The following TANC2 variants were observed in gnomAD, a reference collection of about 807,000 sequenced individuals.
TANC2 encodes the protein tetratricopeptide repeat, ankyrin repeat and coiled-coil containing 2.
In TANC2, 26 loss-of-function variants were observed where a neutral mutation model predicts 210.5. That is an observed-to-expected ratio of 0.12 (90% CI 0.09 to 0.17). The LOEUF (loss-of-function observed/expected upper bound fraction) is 0.17, where lower values mean the gene tolerates loss of function less well. TANC2 is among the 10% of genes least tolerant of loss of function. The pLI, the probability that TANC2 is intolerant of heterozygous loss-of-function variation, is 1.00. For missense variants in TANC2, 2,129 were observed against 2,608.9 expected, an observed-to-expected ratio of 0.82 and a Z score of 4.01; for synonymous variants, 931 against 967.1, an observed-to-expected ratio of 0.96 and a Z score of 0.69.
chr17:63,391,642 A>G (rs116831496), intron 17 of TANC2: 2 of 152,244 alleles, frequency 1.3e-5, no homozygotes, highest in African/African-American at 4.8e-5. Context: ...AAAAGTCACT[A>G]ATGACTGCCA....
Position 63,169,142 on chromosome 17 carries a change from C to T in TANC2, c.433+17762C>T, listed in dbSNP as rs191455151. On this transcript the variant is annotated intron_variant, in intron 5 of 27. Coordinates refer to ENST00000689528, the Ensembl canonical transcript of TANC2. ...AACTTTCTCTTTCCTTCCTCCATCT[C>T]CACCACTCATCCTCCCAAAGACACT... is the stretch of plus-strand genomic sequence containing the variant. Among the ~76,000 whole-genome samples, 283 of 152,256 alleles carry T rather than the reference C, an allele frequency of 1.9e-3. 1 individual carries two copies. Among genetic ancestry groups the T allele is most frequent in the African/African-American group, 6.5e-3 (272 of 41,532 alleles).
chr17:63,125,888 G>A (rs1598436060), intron 4 of TANC2, among the ~76,000 whole-genome samples: 2 of 152,268 alleles, frequency 1.3e-5, no homozygotes, highest in South Asian at 4.1e-4. Context: ...ATATAATGTA[G>A]CGTAAGCTTA....
chr17:63,067,278 G>A (rs1234143370), intron 2 of TANC2, among the ~76,000 whole-genome samples: 2 of 152,102 alleles, frequency 1.3e-5, no homozygotes, highest in East Asian at 3.9e-4. Flanking sequence ...CCAACTCCAA[G>A]AGATGACCAA....
intron 11 of TANC2, among the ~76,000 whole-genome samples, chr17:63,322,969 A>T (rs967126749): frequency 3.3e-5 from 5 of 152,206 alleles, no homozygotes; most frequent in African/African-American, 7.2e-5. Context: ...CTAGACATGG[A>T]ATCCTGTTCA....
At chr17:63,071,530 T>TAACCC (rs2036398016) in intron 2 of TANC2, among the ~76,000 whole-genome samples, 1 of 152,148 alleles carries the variant, frequency 6.6e-6, no homozygotes, top group Admixed American at 6.6e-5. Context: ...GGTTATAGGG[T>TAACCC]TGGCAGTGTA....
chr17:63,084,330 CT>C (rs1357753208), intron 3 of TANC2, among the ~76,000 whole-genome samples: 1 of 151,922 alleles, frequency 6.6e-6, no homozygotes, highest in Non-Finnish European at 1.5e-5. Context: ...GGTGATACCC[CT>C]CTTTCATTTC....
intron 4 of TANC2, among the ~76,000 whole-genome samples, chr17:63,138,207 G>A (rs1308857594): frequency 1.3e-5 from 2 of 152,272 alleles, no homozygotes; most frequent in East Asian, 3.9e-4. Flanking sequence ...CTCTGGGGCT[G>A]TAAGATACTG....
intron 5 of TANC2, among the ~76,000 whole-genome samples, chr17:63,178,486 G>A (rs1446843774): frequency 6.6e-6 from 1 of 152,218 alleles, no homozygotes; most frequent in Non-Finnish European, 1.5e-5. Context: ...CATTTGTTGT[G>A]ACAAATTGCG....
Position 63,027,106 on chromosome 17 carries a change from A to T in TANC2, c.67+17480A>T, listed in dbSNP as rs182278110. 4.5e-4 allele frequency among the ~76,000 whole-genome samples: 69 copies of T among 152,290 alleles called. 2 individuals are homozygous for T. In the East Asian group the frequency reaches 0.011, roughly 24 times the overall value. ...AAATTTAAAATAGTGGTTTCTTAGT[A>T]CTGATTGAAGTTTCCCTGGTAAAAC... On this transcript the variant is annotated intron_variant, in intron 2 of 27. Coordinates refer to ENST00000689528, the Ensembl canonical transcript of TANC2.
rs759401273 is a variant in TANC2 at position 63,047,344 on chromosome 17, CTG to C, written c.68-26597_68-26596del. ...ACATTCTAAGTATAAAGTGAGGTAA[CTG>C]TTAGATTTGCATTTCTAAATGATTA... On this transcript the variant is annotated intron_variant, in intron 2 of 27. Coordinates refer to ENST00000689528, the Ensembl canonical transcript of TANC2. Among the ~76,000 whole-genome samples, 7 of 152,204 alleles carry C rather than the reference CTG, an allele frequency of 4.6e-5. No individual in the cohort carries two copies. The East Asian group carries it at 1.2e-3, about 25-fold the overall frequency.
chr17:63,075,656 C>T (rs2036546383), intron 3 of TANC2, among the ~76,000 whole-genome samples: 1 of 152,050 alleles, frequency 6.6e-6, no homozygotes, highest in Admixed American at 6.6e-5. Context: ...CCTCAGCCTC[C>T]TGGGTAGATG....
At chr17:63,387,312 G>A (rs2047816728) in intron 15 of TANC2, among the ~76,000 whole-genome samples, 1 of 152,074 alleles carries the variant, frequency 6.6e-6, no homozygotes. Context: ...CTTTCCTCTA[G>A]TGTGAGAATT....
intron 5 of TANC2, among the ~76,000 whole-genome samples, chr17:63,178,200 G>A (rs1486785418): frequency 2.0e-5 from 3 of 152,302 alleles, no homozygotes; most frequent in African/African-American, 7.2e-5. Flanking sequence ...GGGCGTGGTG[G>A]AGGGCGCCTG....
chr17:63,215,137 A>C (rs1410580046), intron 7 of TANC2, among the ~76,000 whole-genome samples: 2 of 152,202 alleles, frequency 1.3e-5, no homozygotes, highest in African/African-American at 4.8e-5. Flanking sequence ...TGATGAATGG[A>C]TCAGTTTATC....
At chr17:63,351,050 A>C (rs1336819965) in intron 12 of TANC2, among the ~76,000 whole-genome samples, 200 bp from the exon 13 acceptor site, 1 of 152,130 alleles carries the variant, frequency 6.6e-6, no homozygotes, top group African/African-American at 2.4e-5. Flanking sequence ...AAAAGCCTTC[A>C]TACCTGATTA....
intron 14 of TANC2, among the ~76,000 whole-genome samples, chr17:63,370,860 C>T (rs1355455040): frequency 2.0e-5 from 3 of 152,154 alleles, no homozygotes; most frequent in African/African-American, 7.2e-5. Flanking sequence ...GTCTGCATTT[C>T]GTTAACCAGA....
chr17:63,415,832 A>T (rs1282244169), intron 26 of TANC2, among the ~76,000 whole-genome samples, 158 bp downstream of exon 26: 1 of 150,726 alleles, frequency 6.6e-6, no homozygotes, highest in Non-Finnish European at 1.5e-5. Context: ...AAAGAAATCA[A>T]GTCTAAGTAC....
chr17:63,410,860 C>CAAAAAAA (rs34268418), intron 21 of TANC2, among the ~76,000 whole-genome samples: 19 of 39,016 alleles, frequency 4.9e-4, no homozygotes, highest in Non-Finnish European at 6.9e-4. Flanking sequence ...GACTCCATCT[C>CAAAAAAA]AAAAAAAAAA....
At chr17:63,140,865 G>T (rs1483780232) in intron 4 of TANC2, among the ~76,000 whole-genome samples, 1 of 152,062 alleles carries the variant, frequency 6.6e-6, no homozygotes, top group Admixed American at 6.5e-5. Context: ...TGCTGCTGCA[G>T]CCTCCCGAGT....
Sources: gnomAD v4.1 joint callset for allele counts (sites outside exome capture counted in the v4.1 genomes callset) on GRCh38, gnomAD v4.1.1 for gene constraint, MANE v1.5 for transcripts, NCBI Gene and HGNC (gene_info 2026-07-23, HGNC 2026-07-21) for gene names.